Variants in ABL2 observed in about 807,000 individuals in gnomAD.
ABL2 encodes the protein ABL proto-oncogene 2, non-receptor tyrosine kinase.
ABL2 carries 49 observed loss-of-function variants against 107.7 expected under a neutral mutation model. The observed-to-expected ratio is 0.45, with a 90% CI of 0.36 to 0.58. ABL2 has a LOEUF of 0.58. Among genes scored for constraint, ABL2 ranks in the 20% least tolerant of loss-of-function variants. The pLI, the probability that ABL2 is intolerant of heterozygous loss-of-function variation, is 0.00. For missense variants in ABL2, 1,245 were observed against 1,457.0 expected (o/e 0.85, Z 2.37); for synonymous variants, 549 against 548.6 (o/e 1.00, Z -0.01).
rs187450270 is a variant in ABL2 at position 179,172,594 on chromosome 1, A to C, written c.158-39220T>G. ...TGTTAATATAGAAAAAATGGTTCTC[A>C]ATCTCCCTGACCATAGAAATATTTA... On this transcript the variant is annotated intron_variant, in intron 1 of 11. Coordinates refer to ENST00000502732, the MANE Select transcript of ABL2 (RefSeq NM_007314.4). Among the ~76,000 whole-genome samples the C allele has an allele frequency of 5.3e-3, 804 of 152,340 alleles. 7 individuals carry two copies. The highest frequency in any genetic ancestry group is 0.018 in the African/African-American group (752 of 41,566).
Position 179,131,392 on chromosome 1 carries a change from C to T in ABL2, c.310G>A (p.Ala104Thr), listed in dbSNP as rs1656310240. ...AAGAGATTAGGGTCACTCTCAGTGG[C>T]TCCGAGCAAGTTCTCCTTGGAGCTC... ...RWSSKENLLG[A>T]TESDPNLFVA... Residue 104 changes from alanine (A) to threonine (T), a missense_variant, in exon 3 of 12, where the codon GCC becomes ACC. Coordinates refer to ENST00000502732, the MANE Select transcript of ABL2 (RefSeq NM_007314.4). 6.2e-7 allele frequency: 1 copy of T among 1,614,188 alleles called. No individual in the cohort carries two copies. Among genetic ancestry groups the T allele is most frequent in the Non-Finnish European group, 8.5e-7 (1 of 1,180,020 alleles).
intron 1 of ABL2, among the ~76,000 whole-genome samples, chr1:179,175,879 G>C (rs75067329): frequency 7.0e-6 from 1 of 143,818 alleles, no homozygotes; most frequent in Non-Finnish European, 1.5e-5. Context: ...AGGGGTGTAC[G>C]AGGGCTCCTT....
rs550477319 is a variant in ABL2 at position 179,184,347 on chromosome 1, A to G, written c.157+44894T>C. 1.8e-5 allele frequency: 11 copies of G among 619,752 alleles called. No homozygotes were observed. In the South Asian group the frequency reaches 2.2e-4, roughly 13 times the overall value. 38.4% of individuals were successfully genotyped at this position (619,752 alleles called of 1,614,324 possible). A position where few individuals can be genotyped will look rare whatever the true frequency, so the allele number is the denominator to read the frequency against. ...TCCATCTTCAAAGTCCACTGAAATC[A>G]AATGGAAAGCTGGAAAGGATGCGAT... On this transcript the variant is annotated intron_variant, in intron 1 of 11. Coordinates refer to ENST00000502732, the MANE Select transcript of ABL2 (RefSeq NM_007314.4).
rs1336661241 is a variant in ABL2 at position 179,117,480 on chromosome 1, G to T, written c.1260C>A (p.Asn420Lys). 1.2e-6 allele frequency: 2 copies of T among 1,613,984 alleles called. No individual in the cohort carries two copies. Among genetic ancestry groups the T allele is most frequent in the African/African-American group, 1.3e-5 (1 of 74,894 alleles). Reference protein sequence around the residue: ...LAARNCLVGENHVVKVADFGL... With the variant: ...LAARNCLVGEKHVVKVADFGL... ...CAAAGTCAGCCACTTTTACCACATGGTTTTCTCCCACTAGGCAGTTACGAG... is the reference window on the plus strand; with the variant it reads ...CAAAGTCAGCCACTTTTACCACATGTTTTTCTCCCACTAGGCAGTTACGAG... Residue 420 changes from asparagine to lysine, a missense_variant, in exon 8 of 12, where the codon AAC (asparagine) becomes AAA (lysine). Coordinates refer to ENST00000502732, the MANE Select transcript of ABL2 (RefSeq NM_007314.4).
In ABL2 at chr1:179,170,595, GTATT is replaced by G. The variant is rs1236335622; in HGVS notation, c.158-37225_158-37222del. Among the ~76,000 whole-genome samples, 15 of 151,270 alleles carry G rather than the reference GTATT, an allele frequency of 9.9e-5. No individual in the cohort carries two copies. The South Asian group carries it at 1.9e-3, about 19-fold the overall frequency. On this transcript the variant is annotated intron_variant, in intron 1 of 11. Transcript: ENST00000502732. ...CCATGCCCAGCTAATTTTTGTATTT[GTATT>G]TATTTATTTATTTTGAGAGGGAGTC...
At chr1:179,160,900 G>A (rs959400447) in intron 1 of ABL2, among the ~76,000 whole-genome samples, 2 of 152,120 alleles carry the variant, frequency 1.3e-5, no homozygotes, top group Non-Finnish European at 2.9e-5. Context: ...ACCACACCTG[G>A]CTAGTTTTTT....
chr1:179,216,831 A>C (rs1002116523), intron 1 of ABL2, among the ~76,000 whole-genome samples: 5 of 151,550 alleles, frequency 3.3e-5, no homozygotes, highest in Admixed American at 6.6e-5. Flanking sequence ...CTACAGGCGC[A>C]CGCCACCATG....
In ABL2 at chr1:179,175,850, T is replaced by C. The variant is rs559815338; in HGVS notation, c.158-42476A>G. ...CTAGACAAGTAGACACATTCTTCTT[T>C]TTTTTTTTTTTTTTGAGGAGGGGTG... On this transcript the variant is annotated intron_variant, in intron 1 of 11. Transcript: ENST00000502732. Among the ~76,000 whole-genome samples, 178 of 149,540 alleles carry C rather than the reference T, an allele frequency of 1.2e-3. 2 individuals are homozygous for C. The highest frequency in any genetic ancestry group is 4.2e-3 in the African/African-American group (171 of 40,972).
intron 1 of ABL2, among the ~76,000 whole-genome samples, chr1:179,173,971 T>C (rs893914817): frequency 6.6e-6 from 1 of 152,110 alleles, no homozygotes; most frequent in East Asian, 1.9e-4. Flanking sequence ...CCCTGAAGTA[T>C]GATATTGTTA....
At chr1:179,177,988 G>A (rs1660145140) in intron 1 of ABL2, among the ~76,000 whole-genome samples, 1 of 152,140 alleles carries the variant, frequency 6.6e-6, no homozygotes, top group Non-Finnish European at 1.5e-5. Context: ...ATGTAAATAT[G>A]CCTATACTAA....
chr1:179,128,445 G>GTA (rs1396583358), intron 3 of ABL2, among the ~76,000 whole-genome samples: 2 of 151,958 alleles, frequency 1.3e-5, no homozygotes, highest in Non-Finnish European at 2.9e-5. Flanking sequence ...TTAGTACTTT[G>GTA]TATATATATC....
In ABL2 at chr1:179,195,158, C is replaced by A. The variant is rs951402834; in HGVS notation, c.157+34083G>T. Among the ~76,000 whole-genome samples, 5 of 152,020 alleles carry A rather than the reference C, an allele frequency of 3.3e-5. No individual in the cohort carries two copies. In the East Asian group the frequency reaches 7.7e-4, roughly 23 times the overall value. On this transcript the variant is annotated intron_variant, in intron 1 of 11. Coordinates refer to ENST00000502732, the MANE Select transcript of ABL2 (RefSeq NM_007314.4). ...CAAAACTTACCCGGGCATGGCAGTG[C>A]ATTCCTGTAGTCCCAGCTACTCAAG...
chr1:179,173,759 G>A (rs75633563), intron 1 of ABL2, among the ~76,000 whole-genome samples: 2,587 of 152,038 alleles, frequency 0.017, 74 homozygotes, highest in African/African-American at 0.059. Context: ...TTAAGATAAC[G>A]GATCAATTCC....
chr1:179,136,397 TCGGTGACCTTACC>T (rs1208894699), intron 1 of ABL2, among the ~76,000 whole-genome samples: 2 of 152,192 alleles, frequency 1.3e-5, no homozygotes, highest in Non-Finnish European at 2.9e-5. Flanking sequence ...ATCCTGTTGA[TCGGTGACCTTACC>T]CCCAACCCTG....
At position 179,118,674 on chromosome 1, in the gene ABL2, T is replaced by G. The variant is rs886189682; in HGVS notation, c.1136A>C (p.Glu379Ala). The G allele has an allele frequency of 5.6e-6, 9 of 1,613,738 alleles. No homozygotes were observed. The highest frequency in any genetic ancestry group is 7.6e-6 in the Non-Finnish European group (9 of 1,179,934). ...GAGCAGCACAACTGCAGTCACCTCT[T>G]CTCGGTTGCATTCTCGGAGGTAATC... is the stretch of plus-strand genomic sequence containing the variant. ...LLDYLRECNREEVTAVVLLYM... is the reference protein window; with the variant it reads ...LLDYLRECNRAEVTAVVLLYM... Residue 379 changes from glutamate to alanine, a missense_variant, in exon 7 of 12, where the codon GAA becomes GCA. Around this residue, in one of 3 missense-constraint regions of ABL2, gnomAD observed 320 missense variants for 547.0 expected, o/e 0.59. Coordinates refer to ENST00000502732, the MANE Select transcript of ABL2 (RefSeq NM_007314.4).
chr1:179,159,985 G>A (rs1367802122), intron 1 of ABL2, among the ~76,000 whole-genome samples: 2 of 152,124 alleles, frequency 1.3e-5, no homozygotes, highest in African/African-American at 4.8e-5. Flanking sequence ...ATGACGGCAT[G>A]CACCTGTAGT....
intron 9 of ABL2, among the ~76,000 whole-genome samples, chr1:179,114,502 G>A (rs1654426442): frequency 7.0e-6 from 1 of 142,504 alleles, no homozygotes; most frequent in South Asian, 2.3e-4. Flanking sequence ...TTTTTCATCT[G>A]CAAGCAATCG....
In ABL2 at chr1:179,152,995, G is replaced by A. The variant is rs568163240; in HGVS notation, c.158-19621C>T. On this transcript the variant is annotated intron_variant, in intron 1 of 11. Transcript: ENST00000502732. Reference sequence around the variant, plus strand: ...AGAGTTGCAAGAACAAGACTAGAATGTAAGTGGGGTATTTCCATTAAGGAC... The same window carrying A: ...AGAGTTGCAAGAACAAGACTAGAATATAAGTGGGGTATTTCCATTAAGGAC... 6.6e-5 allele frequency among the ~76,000 whole-genome samples: 10 copies of A among 152,292 alleles called. No individual in the cohort carries two copies. In the South Asian group the frequency reaches 2.1e-3, roughly 32 times the overall value.
At chr1:179,229,168 C>A in intron 1 of ABL2, 73 bp downstream of exon 1, 20 of 345,154 alleles carry the variant, frequency 5.8e-5, no homozygotes, top group Middle Eastern at 1.0e-3. Context: ...GGCAGCCCGT[C>A]CGCCACCCAC....
Sources: gnomAD v4.1 joint callset for allele counts (sites outside exome capture counted in the v4.1 genomes callset) on GRCh38, gnomAD v4.1.1 for gene constraint, gnomAD v4.1.1 regional missense constraint, MANE v1.5 for transcripts, NCBI Gene and HGNC (gene_info 2026-07-23, HGNC 2026-07-21) for gene names.